SLC4A4: variants seen among roughly 807,000 people sequenced by gnomAD.
SLC4A4 encodes the protein electrogenic sodium bicarbonate cotransporter 1.
SLC4A4 carries 27 observed loss-of-function variants against 111.5 expected under a neutral mutation model. The ratio of observed to expected loss-of-function variants is 0.24; its 90% CI spans 0.18 to 0.33. The LOEUF (loss-of-function observed/expected upper bound fraction) is 0.33, where lower values mean the gene tolerates loss of function less well. SLC4A4 is among the 10% of genes least tolerant of loss of function. SLC4A4 has a pLI of 1.00. For synonymous variants in SLC4A4, 443 were observed against 463.4 expected, an observed-to-expected ratio of 0.96 and a Z score of 0.57; for missense variants, 909 against 1,315.5, an observed-to-expected ratio of 0.69 and a Z score of 4.78.
In SLC4A4 at chr4:71,089,447, T is replaced by C. The variant is rs1440597069; in HGVS notation, c.-64-3283T>C. Among the ~76,000 whole-genome samples the C allele has an allele frequency of 2.6e-5, 4 of 152,134 alleles. No homozygotes were observed. In the East Asian group the frequency reaches 5.8e-4, roughly 22 times the overall value. ...TTGTTCCATTGCTGGTGAGGAGCTGTGTTCCTTTGGAGGAGGAGAGGCGCT... is the reference window on the plus strand; with the variant it reads ...TTGTTCCATTGCTGGTGAGGAGCTGCGTTCCTTTGGAGGAGGAGAGGCGCT... On this transcript the variant is annotated intron_variant, in intron 1 of 26. Coordinates refer to the SLC4A4 transcript ENST00000649996.
chr4:71,222,043 A>G (rs1282764575), intron 1 of SLC4A4, among the ~76,000 whole-genome samples: 6 of 152,224 alleles, frequency 3.9e-5, no homozygotes, highest in African/African-American at 1.4e-4. Context: ...AGACTTAGGT[A>G]AAGACTATAA....
intron 15 of SLC4A4, among the ~76,000 whole-genome samples, chr4:71,489,515 G>T (rs191921484): frequency 1.8e-4 from 27 of 151,874 alleles, no homozygotes; most frequent in African/African-American, 6.3e-4. Flanking sequence ...TTGGCATAAT[G>T]GATGGCATGT....
At chr4:71,267,431 G>A (rs961755270) in intron 3 of SLC4A4, among the ~76,000 whole-genome samples, 34 of 152,188 alleles carry the variant, frequency 2.2e-4, no homozygotes, top group Non-Finnish European at 3.8e-4. Context: ...CCAGGAGAAA[G>A]CATGATGAGT....
intron 7 of SLC4A4, among the ~76,000 whole-genome samples, chr4:71,424,794 G>C (rs973351708): frequency 3.3e-5 from 5 of 151,892 alleles, no homozygotes; most frequent in African/African-American, 1.2e-4. Flanking sequence ...TGAACAATGA[G>C]AACACGTGGA....
At chr4:71,282,334 C>T (rs1486472587) in intron 3 of SLC4A4, among the ~76,000 whole-genome samples, 1 of 151,218 alleles carries the variant, frequency 6.6e-6, no homozygotes, top group Non-Finnish European at 1.5e-5. Context: ...GCTCTTGTTG[C>T]CCAGGCTGGA....
Position 71,369,643 on chromosome 4 carries a change from A to G in SLC4A4, c.730+12456A>G, listed in dbSNP as rs1238446737. ...AGAAAGACAGAATGGGCTATGGACA[A>G]CAAAAAAGGGGAATAAGATAGAATC... On this transcript the variant is annotated intron_variant, in intron 6 of 25. Coordinates refer to ENST00000264485, the MANE Select transcript of SLC4A4 (RefSeq NM_001098484.3). 6.6e-5 allele frequency among the ~76,000 whole-genome samples: 10 copies of G among 152,198 alleles called. 1 individual carries two copies. The highest frequency in any genetic ancestry group is 1.5e-4 in the Non-Finnish European group (10 of 68,042).
intron 6 of SLC4A4, among the ~76,000 whole-genome samples, chr4:71,364,040 C>A (rs917605627): frequency 6.6e-6 from 1 of 152,168 alleles, no homozygotes; most frequent in African/African-American, 2.4e-5. Flanking sequence ...AAATAAACAA[C>A]ACATTTTTCT....
intron 3 of SLC4A4, among the ~76,000 whole-genome samples, chr4:71,333,968 G>A (rs755788255): frequency 2.9e-4 from 44 of 152,134 alleles, no homozygotes; most frequent in Non-Finnish European, 5.3e-4. Flanking sequence ...GCGAAGGCCT[G>A]GAATTGGGGA....
chr4:71,266,037 C>T lies in SLC4A4; in HGVS notation c.253+10638C>T, dbSNP rs191918043. On this transcript the variant is annotated intron_variant, in intron 3 of 25. Coordinates refer to ENST00000264485, the MANE Select transcript of SLC4A4 (RefSeq NM_001098484.3). ...CTTTTTATAGGAGGTGACCTCAAGT[C>T]TTTGTTCAGCCACAAGATAAAGCTG... Among the ~76,000 whole-genome samples the T allele has an allele frequency of 2.0e-5, 3 of 152,228 alleles. No individual in the cohort carries two copies. In the South Asian group the frequency reaches 6.2e-4, roughly 32 times the overall value.
chr4:71,564,334 G>T (rs1190224877), intron 24 of SLC4A4, among the ~76,000 whole-genome samples: 2 of 151,788 alleles, frequency 1.3e-5, no homozygotes, highest in East Asian at 3.9e-4. Flanking sequence ...TTAATATTGA[G>T]AATTTGGAAA....
chr4:71,529,798 T>A (rs1258417424), intron 16 of SLC4A4, among the ~76,000 whole-genome samples: 1 of 152,188 alleles, frequency 6.6e-6, no homozygotes, highest in Non-Finnish European at 1.5e-5. Flanking sequence ...TTATAGGATA[T>A]TTGTGTTGCC....
intron 7 of SLC4A4, among the ~76,000 whole-genome samples, chr4:71,423,366 A>T (rs1249587224): frequency 6.6e-6 from 1 of 152,238 alleles, no homozygotes; most frequent in Non-Finnish European, 1.5e-5. Flanking sequence ...AGAACATTCC[A>T]TGCTCATGGG....
At chr4:71,216,359 G>A (rs1718431833) in intron 1 of SLC4A4, among the ~76,000 whole-genome samples, 1 of 151,506 alleles carries the variant, frequency 6.6e-6, no homozygotes, top group Admixed American at 6.6e-5. Flanking sequence ...TTGGCATTTG[G>A]GGTCATTTTT....
chr4:71,079,637 G>A (rs558310530), intron 1 of SLC4A4, among the ~76,000 whole-genome samples: 80 of 152,152 alleles, frequency 5.3e-4, no homozygotes, highest in South Asian at 2.9e-3. Flanking sequence ...TTAGCTGGGC[G>A]TGGTGGCACA....
At chr4:71,446,202 CA>C (rs756856360) in intron 8 of SLC4A4, among the ~76,000 whole-genome samples, 1 of 152,080 alleles carries the variant, frequency 6.6e-6, no homozygotes, top group African/African-American at 2.4e-5. Context: ...AGTAATTATA[CA>C]TTCAAGGGCA....
intron 2 of SLC4A4, among the ~76,000 whole-genome samples, chr4:71,135,005 G>A (rs1028318936): frequency 6.6e-6 from 1 of 152,138 alleles, no homozygotes; most frequent in African/African-American, 2.4e-5. Context: ...CTTGCTAGGG[G>A]TTACAGTTGC....
At chr4:71,532,249 T>C in intron 17 of SLC4A4, 74 bp downstream of exon 17, 1 of 896,058 alleles carries the variant, frequency 1.1e-6, no homozygotes, top group Non-Finnish European at 1.9e-6. Context: ...ATTTATTGTG[T>C]TTCTCTTTGA....
chr4:71,262,657 T>A (rs1721948364), intron 3 of SLC4A4, among the ~76,000 whole-genome samples: 1 of 152,182 alleles, frequency 6.6e-6, no homozygotes, highest in Admixed American at 6.5e-5. Flanking sequence ...CAGCGTTAAG[T>A]TCATCCTTGA....
At position 71,570,846 on chromosome 4, in the gene SLC4A4, G is replaced by A. The variant is rs1028197813; in HGVS notation, c.*3095G>A. The A allele has an allele frequency of 6.6e-6, 1 of 151,826 alleles. No individual in the cohort carries two copies. Among genetic ancestry groups the A allele is most frequent in the Non-Finnish European group, 1.5e-5 (1 of 67,846 alleles). The allele number at this position is 151,826 out of a possible 1,614,324, so 9.4% of individuals were successfully genotyped here. On this transcript the variant is annotated 3_prime_UTR_variant, in exon 26 of 26. Coordinates refer to ENST00000264485, the MANE Select transcript of SLC4A4 (RefSeq NM_001098484.3). Reference sequence around the variant, plus strand: ...CTCTACTGTGTGAAATGAATACTTGGAATTCTAATTGTTTTGTGTGCCAGG... The same window carrying A: ...CTCTACTGTGTGAAATGAATACTTGAAATTCTAATTGTTTTGTGTGCCAGG...
Sources: gnomAD v4.1 joint callset for allele counts (sites outside exome capture counted in the v4.1 genomes callset) on GRCh38, gnomAD v4.1.1 for gene constraint, MANE v1.5 for transcripts, NCBI Gene and HGNC (gene_info 2026-07-23, HGNC 2026-07-21) for gene names.